The following RALGPS1 variants were observed in gnomAD, a reference collection of about 807,000 sequenced individuals.
The protein encoded by RALGPS1 is ras-specific guanine nucleotide-releasing factor RalGPS1.
A neutral mutation model predicts 78.8 loss-of-function variants in RALGPS1; 19 were observed. The observed-to-expected ratio is 0.24, with a 90% CI of 0.17 to 0.35. The LOEUF is 0.35. Among genes scored for constraint, RALGPS1 ranks in the 10% least tolerant of loss-of-function variants. The pLI, the probability that RALGPS1 is intolerant of heterozygous loss-of-function variation, is 1.00. For synonymous variants in RALGPS1, 228 were observed against 256.3 expected (o/e 0.89, Z 1.06); for missense variants, 454 against 688.3 (o/e 0.66, Z 3.81).
intron 8 of RALGPS1, among the ~76,000 whole-genome samples, chr9:127,085,328 A>G (rs2051595982): frequency 6.6e-6 from 1 of 152,208 alleles, no homozygotes; most frequent in Admixed American, 6.5e-5. Flanking sequence ...ACTTAGTAAT[A>G]GTAGGACTCC....
At chr9:126,933,342 C>T (rs1331795363) in intron 1 of RALGPS1, among the ~76,000 whole-genome samples, 1 of 152,072 alleles carries the variant, frequency 6.6e-6, no homozygotes. Flanking sequence ...TCTGGGACCC[C>T]AGAGGGGCCA....
chr9:127,178,176 C>A, intron 11 of RALGPS1: 1 of 527,922 alleles, frequency 1.9e-6, no homozygotes, highest in Non-Finnish European at 3.1e-6. Flanking sequence ...CAGGAGCGAG[C>A]AGAGAAAAAT....
At chr9:127,056,656 C>T (rs775109620) in intron 7 of RALGPS1, among the ~76,000 whole-genome samples, 4 of 152,190 alleles carry the variant, frequency 2.6e-5, no homozygotes, top group Admixed American at 6.5e-5. Flanking sequence ...TGTCTGGTAA[C>T]AGCACGCAGG....
Position 127,218,893 on chromosome 9 carries a change from G to A in RALGPS1, c.*124G>A. On this transcript the variant is annotated 3_prime_UTR_variant, in exon 19 of 19. Coordinates refer to ENST00000259351, the MANE Select transcript of RALGPS1 (RefSeq NM_014636.3). This position sits in a 1 kb window ranked among gnomAD's most constrained non-coding sequence, Gnocchi z 4.4. ...CTGGGAAACTCACAGCTGGACTCAGGGGACACGGCCTGTGGCCTCACCATC... is the reference window on the plus strand; with the variant it reads ...CTGGGAAACTCACAGCTGGACTCAGAGGACACGGCCTGTGGCCTCACCATC... 1 of 1,137,830 alleles carries A rather than the reference G, an allele frequency of 8.8e-7. No homozygotes were observed. The highest frequency in any genetic ancestry group is 1.3e-6 in the Non-Finnish European group (1 of 752,658). The allele number at this position is 1,137,830 out of a possible 1,614,324, so 70.5% of individuals were successfully genotyped here.
At chr9:126,978,653 A>G (rs1380593958) in intron 4 of RALGPS1, among the ~76,000 whole-genome samples, 2 of 151,890 alleles carry the variant, frequency 1.3e-5, no homozygotes, top group Non-Finnish European at 2.9e-5. Context: ...GGAATTTATT[A>G]CAAGGATAAA....
At position 127,107,892 on chromosome 9, in the gene RALGPS1, A is replaced by G. The variant is rs117033208; in HGVS notation, c.610+38536A>G. On this transcript the variant is annotated intron_variant, in intron 8 of 18. Coordinates refer to ENST00000259351, the MANE Select transcript of RALGPS1 (RefSeq NM_014636.3). Reference sequence around the variant, plus strand: ...GTGCCTGGCTCTGAGACCCACATGTAACACGATCCCAGAAGCACTTACCCG... The same window carrying G: ...GTGCCTGGCTCTGAGACCCACATGTGACACGATCCCAGAAGCACTTACCCG... 2.8e-3 allele frequency: 4,276 copies of G among 1,516,740 alleles called. 59 individuals carry two copies. In the East Asian group the frequency reaches 0.03, roughly 11 times the overall value. The allele number at this position is 1,516,740 out of a possible 1,614,324, so 94.0% of individuals were successfully genotyped here.
intron 14 of RALGPS1, among the ~76,000 whole-genome samples, chr9:127,209,520 C>T (rs2062119358): frequency 6.6e-6 from 1 of 152,086 alleles, no homozygotes; most frequent in Non-Finnish European, 1.5e-5. Flanking sequence ...GTGGGGTCAG[C>T]CTATTACCAC....
chr9:127,027,111 CTTG>C (rs2046022250), intron 4 of RALGPS1, among the ~76,000 whole-genome samples: 1 of 152,188 alleles, frequency 6.6e-6, no homozygotes, highest in South Asian at 2.1e-4. Context: ...CATAGTCTAG[CTTG>C]AGACTTTCTG....
At chr9:126,991,638 G>A (rs766806471) in intron 4 of RALGPS1, among the ~76,000 whole-genome samples, 1 of 152,286 alleles carries the variant, frequency 6.6e-6, no homozygotes, top group Middle Eastern at 3.4e-3. Context: ...AGGCAGGAAG[G>A]TCTGCATTTG....
At chr9:127,045,048 G>C (rs1395554023) in intron 5 of RALGPS1, among the ~76,000 whole-genome samples, 1 of 152,148 alleles carries the variant, frequency 6.6e-6, no homozygotes, top group East Asian at 1.9e-4. Context: ...TTTGGAAAGG[G>C]GAGAGGGCTG....
intron 1 of RALGPS1, among the ~76,000 whole-genome samples, chr9:126,916,054 G>A (rs769257589): frequency 1.3e-5 from 2 of 152,226 alleles, no homozygotes; most frequent in Non-Finnish European, 2.9e-5. Context: ...CTGCCTGTGT[G>A]CCTCCCAGGG....
intron 14 of RALGPS1, among the ~76,000 whole-genome samples, chr9:127,206,290 C>T (rs985371978): frequency 1.4e-4 from 22 of 152,120 alleles, no homozygotes; most frequent in Admixed American, 3.3e-4. Context: ...TCTGTTCTCA[C>T]GCTGCTAATG....
At chr9:127,018,304 T>C (rs1405566992) in intron 4 of RALGPS1, among the ~76,000 whole-genome samples, 2 of 111,478 alleles carry the variant, frequency 1.8e-5, no homozygotes, top group Non-Finnish European at 3.9e-5. Context: ...ATTTTATAGT[T>C]AACTTAAAAA....
chr9:126,999,420 G>A (rs2043081728), intron 4 of RALGPS1, among the ~76,000 whole-genome samples: 1 of 152,146 alleles, frequency 6.6e-6, no homozygotes. Context: ...ACATGCATCT[G>A]CCATTATAGT....
chr9:127,044,278 CAG>C (rs964347531), intron 5 of RALGPS1, among the ~76,000 whole-genome samples: 22 of 151,024 alleles, frequency 1.5e-4, no homozygotes, highest in Non-Finnish European at 2.9e-4. Context: ...TTTTTTGAGA[CAG>C]AGTTTCACTC....
intron 14 of RALGPS1, among the ~76,000 whole-genome samples, chr9:127,199,877 C>T (rs188870106): frequency 6.6e-6 from 1 of 152,172 alleles, no homozygotes; most frequent in Non-Finnish European, 1.5e-5. Context: ...GGCAGGTTTG[C>T]ACCAGTATCC....
At chr9:127,073,450 G>GTGTGTGTGTGTC (rs2050383281) in intron 8 of RALGPS1, among the ~76,000 whole-genome samples, 1 of 110,642 alleles carries the variant, frequency 9.0e-6, no homozygotes, top group Non-Finnish European at 2.0e-5. Context: ...ACACCATTGT[G>GTGTGTGTGTGTC]TGTGTGTGTG....
intron 4 of RALGPS1, among the ~76,000 whole-genome samples, chr9:127,001,777 G>C (rs1368943599): frequency 6.6e-6 from 1 of 152,224 alleles, no homozygotes; most frequent in South Asian, 2.1e-4. Context: ...CCAGCTACTT[G>C]GGAGGTTGAG....
chr9:127,043,516 C>T (rs62580841), intron 5 of RALGPS1, among the ~76,000 whole-genome samples: 3,581 of 151,712 alleles, frequency 0.024, 47 homozygotes, highest in Middle Eastern at 0.048. Context: ...TAGGAGAAAA[C>T]GTAGAAGAAA....
Sources: allele counts gnomAD v4.1 joint callset (sites outside exome capture counted in the v4.1 genomes callset), GRCh38; gene constraint gnomAD v4.1.1; non-coding constraint Gnocchi (gnomAD v3.1); transcripts MANE v1.5; gene names NCBI Gene and HGNC (gene_info 2026-07-23, HGNC 2026-07-21).